BBOF1: variants seen among roughly 807,000 people sequenced by gnomAD.
BBOF1 encodes basal body orientation factor 1.
BBOF1 carries 62 observed loss-of-function variants against 68.0 expected under a neutral mutation model. The ratio of observed to expected loss-of-function variants is 0.91; its 90% CI spans 0.74 to 1.13. The LOEUF is 1.13. Ranked by LOEUF, BBOF1 falls within the 50% of genes most tolerant of loss-of-function variation. BBOF1 has a pLI of 0.00. For missense variants in BBOF1, 534 were observed against 600.1 expected (o/e 0.89, Z 1.15); for synonymous variants, 208 against 198.8 (o/e 1.05, Z -0.39).
chr14:74,072,191 T>C (rs1211987149), intron 9 of BBOF1: 2 of 1,614,088 alleles, frequency 1.2e-6, no homozygotes, highest in Non-Finnish European at 1.7e-6. Flanking sequence ...GCATACCATT[T>C]AGATTTCATA....
chr14:74,059,804 A>T (rs2060301068), intron 11 of BBOF1: 1 of 155,462 alleles, frequency 6.4e-6, no homozygotes, highest in Non-Finnish European at 1.4e-5. Flanking sequence ...TATAACAAAA[A>T]GTTGATTTAT....
chr14:74,064,607 T>C (rs1000086842), intron 11 of BBOF1, 81 bp from the exon 12 acceptor site: 1 of 1,392,444 alleles, frequency 7.2e-7, no homozygotes, highest in Non-Finnish European at 1.0e-6. Context: ...CCCATGCTCT[T>C]TCCTCAAAAC....
Position 74,036,973 on chromosome 14 carries a change from CT to C in BBOF1, c.495+2819del, listed in dbSNP as rs548819182. ...TATTATCTTTTTTTTTTTCTTTTTT[CT>C]TTTTTTTTTTTTTTTTGAGACAGAG... On this transcript the variant is annotated intron_variant, in intron 4 of 11. Coordinates refer to ENST00000394009, the MANE Select transcript of BBOF1 (RefSeq NM_025057.3). Among the ~76,000 whole-genome samples the C allele has an allele frequency of 6.2e-3, 642 of 104,342 alleles. 1 individual carries two copies. The highest frequency in any genetic ancestry group is 0.01 in the African/African-American group (253 of 25,234). 68.5% of individuals were successfully genotyped at this position (104,342 alleles called of 152,430 possible).
intron 2 of BBOF1, among the ~76,000 whole-genome samples, chr14:74,028,510 A>G (rs2059488506): frequency 8.0e-6 from 1 of 124,358 alleles, no homozygotes; most frequent in African/African-American, 2.9e-5. Context: ...ACACACACAC[A>G]CAAATAGAGG....
chr14:74,079,303 A>G (rs72627153), intron 10 of BBOF1, among the ~76,000 whole-genome samples: 19,658 of 149,120 alleles, frequency 0.13, 1,991 homozygotes, highest in East Asian at 0.57. Flanking sequence ...ATGGAGTACA[A>G]TGGCGCAATC....
At chr14:74,080,775 C>T (rs2060661658) in intron 10 of BBOF1, among the ~76,000 whole-genome samples, 1 of 152,158 alleles carries the variant, frequency 6.6e-6, no homozygotes, top group Non-Finnish European at 1.5e-5. Flanking sequence ...AGTTTCCATC[C>T]CATAATCAGA....
chr14:74,019,747 T>C (rs1184740341), intron 1 of BBOF1, among the ~76,000 whole-genome samples: 1 of 152,248 alleles, frequency 6.6e-6, no homozygotes, highest in African/African-American at 2.4e-5. Context: ...TATAAAGTAG[T>C]TCCTTGGGCC....
chr14:74,028,498 A>ACACG (rs2059487344), intron 2 of BBOF1, among the ~76,000 whole-genome samples: 1 of 127,028 alleles, frequency 7.9e-6, no homozygotes, highest in African/African-American at 2.9e-5. Context: ...ACACACACAC[A>ACACG]CACACACACA....
chr14:74,067,593 A>G (rs1446659144), downstream of BBOF1: 2 of 1,612,748 alleles, frequency 1.2e-6, no homozygotes, highest in South Asian at 1.1e-5. Context: ...CAGAAAGCAC[A>G]TGAGTCTTCC....
chr14:74,060,553 G>A (rs2060316519), intron 11 of BBOF1: 2 of 980,684 alleles, frequency 2.0e-6, no homozygotes, highest in Non-Finnish European at 3.3e-6. Context: ...CAATCCCATC[G>A]ATCTGATCTG....
chr14:74,048,204 C>T, intron 7 of BBOF1, 130 bp downstream of exon 7: 1 of 766,874 alleles, frequency 1.3e-6, no homozygotes, highest in Non-Finnish European at 2.0e-6. Context: ...GGATGATGCA[C>T]TTTTTTTATC....
rs1158121532 is a variant in BBOF1 at position 74,062,066 on chromosome 14, A to G, written c.1579-2622A>G. 4.7e-5 allele frequency among the ~76,000 whole-genome samples: 7 copies of G among 147,940 alleles called. No homozygotes were observed. In the East Asian group the frequency reaches 8.0e-4, roughly 17 times the overall value. On this transcript the variant is annotated intron_variant, in intron 11 of 11. Transcript: ENST00000394009. ...TCTCTACTGGGAAAAAAAAAAAAAAAAAAAAAAAAAAAAAGCTGGGCGTGG... is the reference window on the plus strand; with the variant it reads ...TCTCTACTGGGAAAAAAAAAAAAAAGAAAAAAAAAAAAAAGCTGGGCGTGG...
chr14:74,070,931 T>C, downstream of BBOF1: 1 of 472,914 alleles, frequency 2.1e-6, no homozygotes, highest in South Asian at 2.2e-5. Context: ...AAGAAAAAAG[T>C]TTCTTTTTAA....
At chr14:74,040,538 T>A (rs199675266) in intron 4 of BBOF1, 27 bp from the exon 5 acceptor site, 70 of 1,433,668 alleles carry the variant, frequency 4.9e-5, no homozygotes, top group Non-Finnish European at 6.5e-5. Context: ...ATTGATCATT[T>A]TTGTTTGTTT....
chr14:74,037,274 CTTTTTTTTTTTTTTTTT>C (rs892262272), intron 4 of BBOF1, among the ~76,000 whole-genome samples: 1 of 65,998 alleles, frequency 1.5e-5, no homozygotes, highest in African/African-American at 5.4e-5. Context: ...CGCCTGGCCT[CTTTTTTTTTTTTTTTTT>C]TTTTTTTTTT....
chr14:74,041,187 C>T (rs929276151), intron 5 of BBOF1, among the ~76,000 whole-genome samples: 1 of 152,136 alleles, frequency 6.6e-6, no homozygotes, highest in African/African-American at 2.4e-5. Flanking sequence ...CCTGTAGTCC[C>T]AGCTACTCAG....
intron 6 of BBOF1, among the ~76,000 whole-genome samples, chr14:74,047,163 A>T (rs1418028164): frequency 6.6e-6 from 1 of 152,204 alleles, no homozygotes; most frequent in East Asian, 1.9e-4. Flanking sequence ...CAGGGTTGTC[A>T]TGAGGTATAT....
intron 2 of BBOF1, among the ~76,000 whole-genome samples, chr14:74,028,511 C>CAA (rs71115944): frequency 6.9e-5 from 6 of 86,712 alleles, no homozygotes; most frequent in African/African-American, 2.4e-4. Context: ...CACACACACA[C>CAA]AAATAGAGGG....
Position 74,040,571 on chromosome 14 carries a change from G to T in BBOF1, c.502G>T (p.Glu168Ter). The change falls in exon 5 of 12, where the codon GAG (glutamate) becomes TAG (stop). Residue 168 changes from glutamate to a stop codon, truncating the protein, a stop_gained. Transcript: ENST00000394009. LOFTEE classifies it high-confidence loss of function. ...QVERELDDLK[E>*]NLRNTERIHQ... ...TTTGTTATTTTAATTTTAGCTGAAA[G>T]AGAATTTAAGAAACACAGAGCGGAT... 6.4e-7 allele frequency: 1 copy of T among 1,569,140 alleles called. No individual in the cohort carries two copies. Among genetic ancestry groups the T allele is most frequent in the African/African-American group, 1.4e-5 (1 of 72,804 alleles).
Sources: allele counts gnomAD v4.1 joint callset (sites outside exome capture counted in the v4.1 genomes callset), GRCh38; gene constraint gnomAD v4.1.1; transcripts MANE v1.5; gene names NCBI Gene and HGNC (gene_info 2026-07-23, HGNC 2026-07-21).